Variants in NTNG1 observed in about 807,000 individuals in gnomAD.
The protein encoded by NTNG1 is netrin G1, also known as netrin-G1.
A neutral mutation model predicts 54.0 loss-of-function variants in NTNG1; 16 were observed. The observed-to-expected ratio is 0.30, with a 90% CI of 0.20 to 0.45. NTNG1 has a LOEUF of 0.45. Among genes scored for constraint, NTNG1 ranks in the 20% least tolerant of loss-of-function variants. The pLI, the probability that NTNG1 is intolerant of heterozygous loss-of-function variation, is 1.00. For synonymous variants in NTNG1, 255 were observed against 263.1 expected (o/e 0.97, Z 0.30); for missense variants, 530 against 678.7 (o/e 0.78, Z 2.43).
At chr1:107,203,666 G>A (rs1169684196) in intron 2 of NTNG1, among the ~76,000 whole-genome samples, 1 of 150,794 alleles carries the variant, frequency 6.6e-6, no homozygotes, top group South Asian at 2.1e-4. Context: ...TTTATGTTTG[G>A]TTTTTCAACT....
intron 3 of NTNG1, among the ~76,000 whole-genome samples, chr1:107,371,657 A>G (rs932608231): frequency 2.6e-5 from 4 of 152,182 alleles, no homozygotes; most frequent in African/African-American, 4.8e-5. Context: ...CACTAGAATC[A>G]GTAGTGAATT....
chr1:107,408,969 G>A (rs1337507322), intron 5 of NTNG1: 1 of 152,112 alleles, frequency 6.6e-6, no homozygotes, highest in Non-Finnish European at 1.5e-5. Flanking sequence ...GAATAGGCCT[G>A]GACACTGATT....
chr1:107,446,368 A>T (rs935181658), intron 7 of NTNG1, among the ~76,000 whole-genome samples: 1 of 152,142 alleles, frequency 6.6e-6, no homozygotes, highest in Non-Finnish European at 1.5e-5. Flanking sequence ...CAGGGTGGCC[A>T]TAAAATGATC....
At chr1:107,349,411 A>G (rs1441181821) in intron 3 of NTNG1, among the ~76,000 whole-genome samples, 14 of 152,180 alleles carry the variant, frequency 9.2e-5, no homozygotes, top group Non-Finnish European at 1.9e-4. Context: ...AATGAAACAT[A>G]CAAAGAATGT....
At chr1:107,226,877 T>G (rs1347764367) in intron 2 of NTNG1, among the ~76,000 whole-genome samples, 1 of 152,080 alleles carries the variant, frequency 6.6e-6, no homozygotes, top group African/African-American at 2.4e-5. Flanking sequence ...TATGCTGTTT[T>G]GGGGCCTCCA....
intron 7 of NTNG1, among the ~76,000 whole-genome samples, chr1:107,441,805 C>G (rs944682671): frequency 1.3e-5 from 2 of 151,930 alleles, no homozygotes; most frequent in Admixed American, 6.6e-5. Flanking sequence ...GTTATGAAGA[C>G]AGAATGCAAC....
At chr1:107,224,832 G>T (rs1660572833) in intron 2 of NTNG1, among the ~76,000 whole-genome samples, 1 of 152,106 alleles carries the variant, frequency 6.6e-6, no homozygotes, top group Admixed American at 6.6e-5. Flanking sequence ...TGAATCTGTA[G>T]CTGTTAGAAA....
rs945543348 is a variant in NTNG1, at chr1:107,161,178, G to A, written c.246+12339G>A. 5.9e-5 allele frequency among the ~76,000 whole-genome samples: 9 copies of A among 152,204 alleles called. No individual in the cohort carries two copies. In the East Asian group the frequency reaches 9.6e-4, roughly 16 times the overall value. On this transcript the variant is annotated intron_variant, in intron 2 of 7. Coordinates refer to ENST00000370068, the MANE Select transcript of NTNG1 (RefSeq NM_001113226.3). ...CATTTGTTAAATGAATGAATGAACC[G>A]TTAAACAGAGATATATTTGTTTGAC...
At chr1:107,304,279 G>T (rs1021771799) in intron 2 of NTNG1, among the ~76,000 whole-genome samples, 1 of 151,382 alleles carries the variant, frequency 6.6e-6, no homozygotes, top group Non-Finnish European at 1.5e-5. Context: ...TTGGAGGTCA[G>T]ATTAAATTTT....
At chr1:107,165,904 G>C (rs1439844456) in intron 2 of NTNG1, among the ~76,000 whole-genome samples, 1 of 152,166 alleles carries the variant, frequency 6.6e-6, no homozygotes, top group Non-Finnish European at 1.5e-5. Flanking sequence ...TCCCTACGTT[G>C]TGTTCCCTAA....
intron 7 of NTNG1, among the ~76,000 whole-genome samples, chr1:107,445,423 T>C (rs1438502866): frequency 6.6e-6 from 1 of 152,146 alleles, no homozygotes; most frequent in Non-Finnish European, 1.5e-5. Flanking sequence ...TTATTATTAT[T>C]TTAAAATAAT....
chr1:107,483,615 C>G lies in NTNG1; in HGVS notation c.*2775C>G, dbSNP rs1678859161. 6.6e-6 allele frequency among the ~76,000 whole-genome samples: 1 copy of G among 152,154 alleles called. No individual in the cohort carries two copies. Among genetic ancestry groups the G allele is most frequent in the Admixed American group, 6.5e-5 (1 of 15,274 alleles). Reference sequence around the variant, plus strand: ...CTGGTTTCATCTACAATGTTGTGCCCTAAGAACAGGACTGGGGTGAAAAGC... The same window carrying G: ...CTGGTTTCATCTACAATGTTGTGCCGTAAGAACAGGACTGGGGTGAAAAGC... On this transcript the variant is annotated 3_prime_UTR_variant, in exon 8 of 8. Transcript: ENST00000370068.
rs139452200 is a variant in NTNG1, at chr1:107,450,977, G to A, written c.1390+14178G>A. Among the ~76,000 whole-genome samples, 20 of 152,230 alleles carry A rather than the reference G, an allele frequency of 1.3e-4. No individual in the cohort carries two copies. In the East Asian group the frequency reaches 3.9e-3, roughly 29 times the overall value. ...GATTACTGGGCAGTCACAATTCATA[G>A]AGTCACCATCAGACCTACTGGATAC... On this transcript the variant is annotated intron_variant, in intron 7 of 7. Transcript: ENST00000370068.
At chr1:107,336,754 T>C (rs1055789986) in intron 3 of NTNG1, among the ~76,000 whole-genome samples, 1 of 151,972 alleles carries the variant, frequency 6.6e-6, no homozygotes, top group Non-Finnish European at 1.5e-5. Flanking sequence ...CCAGAATGTA[T>C]AAATTACTCT....
At chr1:107,215,458 T>C (rs1659888170) in intron 2 of NTNG1, among the ~76,000 whole-genome samples, 1 of 152,208 alleles carries the variant, frequency 6.6e-6, no homozygotes, top group Non-Finnish European at 1.5e-5. Context: ...TTGTCTTTAT[T>C]TTTGGGTTCT....
chr1:107,365,613 A>G (rs886570844), intron 3 of NTNG1, among the ~76,000 whole-genome samples: 1 of 152,202 alleles, frequency 6.6e-6, no homozygotes, highest in Non-Finnish European at 1.5e-5. Flanking sequence ...TTCAGCCATA[A>G]TACAGAATAG....
At chr1:107,148,970 G>T (rs930097320) in intron 2 of NTNG1, 131 bp downstream of exon 2, 7 of 897,254 alleles carry the variant, frequency 7.8e-6, no homozygotes, top group Middle Eastern at 3.1e-4. Context: ...GTGTTAACAG[G>T]CTAGTTTCTT....
At chr1:107,476,407 T>C (rs1015736694) in intron 7 of NTNG1, among the ~76,000 whole-genome samples, 10 of 152,174 alleles carry the variant, frequency 6.6e-5, no homozygotes, top group Non-Finnish European at 1.3e-4. Context: ...GGATGACCTA[T>C]CTCCTGTTCC....
At chr1:107,302,617 AATAT>A (rs1259100051) in intron 2 of NTNG1, among the ~76,000 whole-genome samples, 5 of 152,054 alleles carry the variant, frequency 3.3e-5, no homozygotes, top group Non-Finnish European at 7.4e-5. Flanking sequence ...AGTGAGTCTT[AATAT>A]ATGTCAGAAT....
Sources: gnomAD v4.1 joint callset for allele counts (sites outside exome capture counted in the v4.1 genomes callset) on GRCh38, gnomAD v4.1.1 for gene constraint, MANE v1.5 for transcripts, NCBI Gene and HGNC (gene_info 2026-07-23, HGNC 2026-07-21) for gene names.